PHACTR1: variants seen among roughly 807,000 people sequenced by gnomAD.
PHACTR1 encodes the protein phosphatase and actin regulator 1, also known as RPEL repeat containing 1.
PHACTR1 carries 16 observed loss-of-function variants against 69.2 expected under a neutral mutation model. The ratio of observed to expected loss-of-function variants is 0.23; its 90% confidence interval spans 0.16 to 0.35. The LOEUF is 0.35. Ranked by LOEUF, PHACTR1 falls within the 10% of genes least tolerant of loss-of-function variation. PHACTR1 has a pLI of 1.00. For missense variants in PHACTR1, 510 were observed against 734.7 expected, an observed-to-expected ratio of 0.69 and a Z score of 3.54; for synonymous variants, 312 against 284.5, an observed-to-expected ratio of 1.10 and a Z score of -0.97.
chr6:12,731,704 C>A (rs1763547277), intron 3 of PHACTR1, among the ~76,000 whole-genome samples: 1 of 152,186 alleles, frequency 6.6e-6, no homozygotes, highest in Admixed American at 6.5e-5. Flanking sequence ...AATCAAGTGA[C>A]TTCCCAAGGT....
intron 6 of PHACTR1, among the ~76,000 whole-genome samples, chr6:13,162,952 T>C (rs548075616): frequency 1.3e-5 from 2 of 152,160 alleles, no homozygotes; most frequent in African/African-American, 2.4e-5. Context: ...CTGCACTCAG[T>C]AAGTGGCTGC....
intron 4 of PHACTR1, among the ~76,000 whole-genome samples, chr6:12,752,445 CCAAA>C (rs996760791): frequency 9.9e-5 from 15 of 152,242 alleles, no homozygotes; most frequent in South Asian, 2.1e-4. Context: ...AATCCTGCCC[CCAAA>C]CAATTACTTA....
chr6:13,151,993 T>C (rs1824382146), intron 5 of PHACTR1, among the ~76,000 whole-genome samples: 1 of 152,108 alleles, frequency 6.6e-6, no homozygotes, highest in South Asian at 2.1e-4. Flanking sequence ...CTAACCTAGG[T>C]ATTCCACCAA....
chr6:12,923,539 T>A (rs1221031794), intron 4 of PHACTR1, among the ~76,000 whole-genome samples: 2 of 152,170 alleles, frequency 1.3e-5, no homozygotes, highest in African/African-American at 4.8e-5. Context: ...GAGAACCCCC[T>A]CCATTTTCCT....
intron 4 of PHACTR1, among the ~76,000 whole-genome samples, chr6:13,016,872 A>G (rs983942353): frequency 1.3e-5 from 2 of 152,104 alleles, no homozygotes; most frequent in Non-Finnish European, 2.9e-5. Context: ...AAAGACTCAC[A>G]CCCTCATCTG....
At chr6:13,079,049 A>T (rs1810979066) in intron 5 of PHACTR1, among the ~76,000 whole-genome samples, 1 of 152,212 alleles carries the variant, frequency 6.6e-6, no homozygotes, top group Admixed American at 6.5e-5. Context: ...AAAGAAAAAA[A>T]GTTTTCCAAG....
chr6:13,000,704 G>A (rs148557137), intron 4 of PHACTR1, among the ~76,000 whole-genome samples: 1 of 151,774 alleles, frequency 6.6e-6, no homozygotes, highest in Non-Finnish European at 1.5e-5. Flanking sequence ...GAAAAACAAA[G>A]GTGGTGGAAG....
At chr6:13,045,528 T>A (rs372842655) in intron 4 of PHACTR1, among the ~76,000 whole-genome samples, 116 of 152,350 alleles carry the variant, frequency 7.6e-4, no homozygotes, top group African/African-American at 2.7e-3. Context: ...TACAGTGGCC[T>A]ACGATTCCAA....
At chr6:13,131,208 TACACACACACAC>T (rs56329629) in intron 5 of PHACTR1, among the ~76,000 whole-genome samples, 31 of 146,468 alleles carry the variant, frequency 2.1e-4, no homozygotes, top group Middle Eastern at 3.5e-3. Context: ...TATATACACA[TACACACACACAC>T]ACACACACAC....
chr6:12,725,893 T>C (rs1298711116), intron 3 of PHACTR1, among the ~76,000 whole-genome samples: 3 of 152,184 alleles, frequency 2.0e-5, no homozygotes, highest in African/African-American at 4.8e-5. Flanking sequence ...AAAATTTTTA[T>C]ATTTTTAACA....
chr6:13,104,183 A>G (rs529108375), intron 5 of PHACTR1, among the ~76,000 whole-genome samples: 2 of 152,182 alleles, frequency 1.3e-5, no homozygotes, highest in Non-Finnish European at 2.9e-5. Context: ...CAGGACTTCA[A>G]ATTGAATTTA....
At chr6:13,093,300 A>G (rs987716584) in intron 5 of PHACTR1, among the ~76,000 whole-genome samples, 5 of 152,246 alleles carry the variant, frequency 3.3e-5, no homozygotes, top group African/African-American at 1.2e-4. Context: ...GTAGTTTTGC[A>G]TATATTGCAA....
At chr6:12,938,420 AC>A (rs1372189526) in intron 4 of PHACTR1, among the ~76,000 whole-genome samples, 1 of 152,034 alleles carries the variant, frequency 6.6e-6, no homozygotes, top group Non-Finnish European at 1.5e-5. Flanking sequence ...AGGAGCACAA[AC>A]CCGTGCACAC....
chr6:12,878,308 T>C (rs1782744948), intron 4 of PHACTR1, among the ~76,000 whole-genome samples: 1 of 152,198 alleles, frequency 6.6e-6, no homozygotes, highest in African/African-American at 2.4e-5. Flanking sequence ...ATTGAGAATA[T>C]AATAAGCTGC....
At chr6:13,242,631 T>C (rs1184117076) in intron 10 of PHACTR1, among the ~76,000 whole-genome samples, 1 of 152,182 alleles carries the variant, frequency 6.6e-6, no homozygotes, top group Non-Finnish European at 1.5e-5. Context: ...AAGCAACTTA[T>C]GGAAATCAAA....
chr6:13,260,083 C>G (rs1775705235), intron 10 of PHACTR1, among the ~76,000 whole-genome samples: 1 of 152,138 alleles, frequency 6.6e-6, no homozygotes, highest in African/African-American at 2.4e-5. Flanking sequence ...ATTTGTTTAA[C>G]ATAAAAAATC....
In PHACTR1 at chr6:13,287,071, G is replaced by A. The variant is rs867956571; in HGVS notation, c.1736G>A (p.Arg579Gln). ...ELSRHLTRFH[R>Q]P ...ATTGTTTGTTTCCTTAGGTTTCACC[G>A]ACCTTAACAGTCGAATTCCTCTTGA... The change falls in exon 15 of 15, where the codon CGA becomes CAA. Residue 579 changes from arginine to glutamine, a missense_variant. Around this residue, in one of 2 missense-constraint regions of PHACTR1, gnomAD observed 91 missense variants for 203.8 expected, o/e 0.45. Transcript: ENST00000332995. 3.7e-6 allele frequency: 6 copies of A among 1,607,108 alleles called. No individual in the cohort carries two copies. Among genetic ancestry groups the A allele is most frequent in the East Asian group, 2.2e-5 (1 of 44,832 alleles).
chr6:13,013,727 A>C (rs1316414840), intron 4 of PHACTR1, among the ~76,000 whole-genome samples: 2 of 150,902 alleles, frequency 1.3e-5, no homozygotes, highest in Non-Finnish European at 3.0e-5. Context: ...CGGCGAGGTC[A>C]AGACCCTTTC....
At chr6:12,833,686 A>G (rs1403201853) in intron 4 of PHACTR1, among the ~76,000 whole-genome samples, 2 of 152,152 alleles carry the variant, frequency 1.3e-5, no homozygotes, top group African/African-American at 4.8e-5. Context: ...CCGCTCTTAC[A>G]TATACACACA....
Sources: allele counts gnomAD v4.1 joint callset (sites outside exome capture counted in the v4.1 genomes callset), GRCh38; gene constraint gnomAD v4.1.1; regional missense constraint gnomAD v4.1.1; transcripts MANE v1.5; gene names NCBI Gene and HGNC (gene_info 2026-07-23, HGNC 2026-07-21).